Variants in TBC1D30 observed in about 807,000 individuals in gnomAD.
TBC1D30 encodes TBC1 domain family member 30.
Under a neutral mutation model 63.2 loss-of-function variants are expected in TBC1D30, and 31 were observed. The ratio of observed to expected loss-of-function variants is 0.49; its 90% CI spans 0.37 to 0.66. The LOEUF (loss-of-function observed/expected upper bound fraction) is 0.66, where lower values mean the gene tolerates loss of function less well. Among genes scored for constraint, TBC1D30 ranks in the 30% least tolerant of loss-of-function variants. TBC1D30 has a pLI of 0.00. For synonymous variants in TBC1D30, 307 were observed against 361.5 expected (o/e 0.85, Z 1.71); for missense variants, 810 against 953.6 (o/e 0.85, Z 1.98).
intron 1 of TBC1D30, chr12:64,825,581 G>A (rs1176521395): frequency 6.5e-6 from 1 of 153,612 alleles, no homozygotes; most frequent in Non-Finnish European, 1.5e-5. Context: ...GGGAGCAGCA[G>A]GAGATCCTTT....
intron 1 of TBC1D30, among the ~76,000 whole-genome samples, chr12:64,825,952 T>C (rs1470103066): frequency 6.6e-6 from 1 of 152,022 alleles, no homozygotes; most frequent in African/African-American, 2.4e-5. Context: ...AGCTGCAGAG[T>C]CCCAAAGGGT....
At chr12:64,760,643 C>T (rs1812866975) in intron 1 of TBC1D30, among the ~76,000 whole-genome samples, 1 of 151,964 alleles carries the variant, frequency 6.6e-6, no homozygotes, top group South Asian at 2.1e-4. Flanking sequence ...CAAGGTATAC[C>T]TCCTTGCTGG....
intron 5 of TBC1D30, among the ~76,000 whole-genome samples, chr12:64,833,530 G>A (rs1477741952): frequency 2.0e-5 from 3 of 152,118 alleles, no homozygotes; most frequent in Non-Finnish European, 4.4e-5. Context: ...ACCGCCCCCC[G>A]ACACAACCCC....
chr12:64,863,272 T>C (rs890394795), intron 8 of TBC1D30, among the ~76,000 whole-genome samples: 1 of 152,156 alleles, frequency 6.6e-6, no homozygotes, highest in Non-Finnish European at 1.5e-5. Flanking sequence ...CTCTCAGAGG[T>C]AACCACGATC....
chr12:64,841,797 C>T (rs1360718773), intron 7 of TBC1D30, among the ~76,000 whole-genome samples: 1 of 152,232 alleles, frequency 6.6e-6, no homozygotes, highest in Non-Finnish European at 1.5e-5. Context: ...CCTTACCTCC[C>T]AGGGTAAACT....
rs1870895671 is a variant in TBC1D30 at position 64,771,257 on chromosome 12, G to A, written c.-376+11608G>A. Among the ~76,000 whole-genome samples the A allele has an allele frequency of 2.0e-5, 3 of 151,806 alleles. No individual in the cohort carries two copies. The South Asian group carries it at 6.2e-4, about 32-fold the overall frequency. ...CAAACCCCAATAGGAGGATCACAAG[G>A]CAGGCCCATAGGGTTTTGGGGCAAG... On this transcript the variant is annotated intron_variant, in intron 1 of 13. Transcript: ENST00000674237.
rs1268674628 is a variant in TBC1D30 at position 64,870,781 on chromosome 12, C to G, written c.1471C>G (p.Gln491Glu). The part of the protein sequence containing the change: ...YSRIKKKQQQ[Q>E]VHQVYIRADK... ...TCGAATTAAAAAGAAGCAACAGCAG[C>G]AGGTTCATCAGGTGTACATCAGGGC... is the stretch of plus-strand genomic sequence containing the variant. The change falls in exon 11 of 12, where the codon CAG becomes GAG. Residue 491 changes from glutamine (Q) to glutamate (E), a missense_variant. This residue lies in a region of TBC1D30 where 450 missense variants were observed against 473.0 expected (regional missense o/e 0.95). Transcript: ENST00000539867. 4 of 1,535,884 alleles carry G rather than the reference C, an allele frequency of 2.6e-6. No individual in the cohort carries two copies. In the African/African-American group the frequency reaches 5.5e-5, roughly 21 times the overall value.
chr12:64,798,998 A>G (rs1046991024), intron 2 of TBC1D30, among the ~76,000 whole-genome samples: 11 of 151,868 alleles, frequency 7.2e-5, no homozygotes, highest in African/African-American at 1.9e-4. Flanking sequence ...ATTTTTTAGT[A>G]GAGACGGGGT....
intron 2 of TBC1D30, among the ~76,000 whole-genome samples, chr12:64,799,930 C>T (rs962549634): frequency 9.9e-5 from 15 of 152,264 alleles, no homozygotes; most frequent in African/African-American, 3.4e-4. Flanking sequence ...CATGGTGAAA[C>T]CCTGTCTCTA....
rs566443391 is a variant in TBC1D30 at position 64,800,733 on chromosome 12, GC to G, written c.643+14689del. ...AGCAGCGTGGAAGATGCTGTGGGAG[GC>G]TAGAGGCAGGGTCTCAGGGAGATGC... is the stretch of plus-strand genomic sequence containing the variant. On this transcript the variant is annotated intron_variant, in intron 2 of 12. Coordinates refer to the TBC1D30 transcript ENST00000542120. 1.2e-4 allele frequency among the ~76,000 whole-genome samples: 18 copies of G among 152,304 alleles called. No homozygotes were observed. The East Asian group carries it at 3.5e-3, about 29-fold the overall frequency.
At chr12:64,866,968 T>TAA in intron 10 of TBC1D30, 65 bp downstream of exon 10, 1 of 1,508,082 alleles carries the variant, frequency 6.6e-7, no homozygotes, top group South Asian at 1.2e-5. Flanking sequence ...AGAGTGATAT[T>TAA]GTGTCCTATA....
At position 64,865,808 on chromosome 12, in the gene TBC1D30, A is replaced by T. The variant is rs184462735; in HGVS notation, c.1152-956A>T. On this transcript the variant is annotated intron_variant, in intron 9 of 11. Transcript: ENST00000539867. Reference sequence around the variant, plus strand: ...GAGTTTGTAATAGTATATTATTGGAAACCACTCAAGTGTATACCATTAGCA... The same window carrying T: ...GAGTTTGTAATAGTATATTATTGGATACCACTCAAGTGTATACCATTAGCA... Among the ~76,000 whole-genome samples, 24 of 152,296 alleles carry T rather than the reference A, an allele frequency of 1.6e-4. No homozygotes were observed. In the East Asian group the frequency reaches 4.6e-3, roughly 29 times the overall value.
intron 2 of TBC1D30, 57 bp from the exon 3 acceptor site, chr12:64,828,387 C>A: frequency 7.8e-7 from 1 of 1,282,206 alleles, no homozygotes; most frequent in Non-Finnish European, 1.1e-6. Flanking sequence ...AAAAAGATTG[C>A]AAAGTGCTTA....
chr12:64,873,390 A>G lies in TBC1D30; in HGVS notation c.1499-1611A>G, dbSNP rs532647820. Among the ~76,000 whole-genome samples, 14 of 152,260 alleles carry G rather than the reference A, an allele frequency of 9.2e-5. No homozygotes were observed. In the East Asian group the frequency reaches 2.7e-3, roughly 29 times the overall value. ...GGACCCAGTGAAATGGGAGGTCATGAATTTAAAGGGCTCAGTTTCAGAAAA... is the reference window on the plus strand; with the variant it reads ...GGACCCAGTGAAATGGGAGGTCATGGATTTAAAGGGCTCAGTTTCAGAAAA... On this transcript the variant is annotated intron_variant, in intron 11 of 11. Coordinates refer to ENST00000539867, the MANE Select transcript of TBC1D30 (RefSeq NM_015279.2).
upstream of TBC1D30, among the ~76,000 whole-genome samples, chr12:64,820,248 T>C (rs1018070875): frequency 6.8e-4 from 104 of 152,206 alleles, no homozygotes; most frequent in African/African-American, 2.4e-3. Context: ...TTTTTATTCC[T>C]TGTGTTGGGC....
At chr12:64,787,855 G>A (rs1056338752) in intron 2 of TBC1D30, among the ~76,000 whole-genome samples, 32 of 152,240 alleles carry the variant, frequency 2.1e-4, no homozygotes, top group African/African-American at 7.2e-4. Flanking sequence ...CGCCAACACG[G>A]TGAAACCCCA....
intron 11 of TBC1D30, among the ~76,000 whole-genome samples, chr12:64,871,690 A>G (rs1878668496): frequency 6.6e-6 from 1 of 152,228 alleles, no homozygotes; most frequent in South Asian, 2.1e-4. Context: ...TGGCACATAC[A>G]TTTCCTCATT....
intron 2 of TBC1D30, among the ~76,000 whole-genome samples, chr12:64,797,120 A>C (rs946479804): frequency 6.6e-6 from 1 of 151,484 alleles, no homozygotes; most frequent in Non-Finnish European, 1.5e-5. Context: ...AAAGGCTATT[A>C]ATGCCTGGCT....
chr12:64,782,898 C>T (rs751710848), intron 1 of TBC1D30, among the ~76,000 whole-genome samples: 14 of 152,192 alleles, frequency 9.2e-5, no homozygotes, highest in Admixed American at 3.9e-4. Context: ...TGCGTGCTTA[C>T]GTGTGCACAC....
Sources: allele counts gnomAD v4.1 joint callset (sites outside exome capture counted in the v4.1 genomes callset), GRCh38; gene constraint gnomAD v4.1.1; regional missense constraint gnomAD v4.1.1; transcripts MANE v1.5; gene names NCBI Gene and HGNC (gene_info 2026-07-23, HGNC 2026-07-21).